ASIC2: variants seen among roughly 807,000 people sequenced by gnomAD.
ASIC2 encodes the protein acid-sensing ion channel 2.
Under a neutral mutation model 57.3 loss-of-function variants are expected in ASIC2, and 25 were observed. The observed-to-expected ratio is 0.44, with a 90% CI of 0.32 to 0.61. ASIC2 has a LOEUF of 0.61. ASIC2 is among the 20% of genes least tolerant of loss of function. ASIC2 has a pLI of 0.06. For synonymous variants in ASIC2, 319 were observed against 307.5 expected (o/e 1.04, Z -0.39); for missense variants, 641 against 738.1 (o/e 0.87, Z 1.52).
chr17:33,392,196 C>CCCTCCTTCCT (rs1567846190), intron 1 of ASIC2, among the ~76,000 whole-genome samples: 3 of 37,832 alleles, frequency 7.9e-5, no homozygotes, highest in Admixed American at 5.4e-4. Flanking sequence ...CCTTCCTTCC[C>CCCTCCTTCCT]TCCTTCCTTC....
chr17:33,918,080 C>T (rs555993893), intron 1 of ASIC2, among the ~76,000 whole-genome samples: 7 of 152,282 alleles, frequency 4.6e-5, no homozygotes, highest in Middle Eastern at 3.4e-3. Flanking sequence ...TAAGGATGGA[C>T]GACATCCTTT....
At chr17:33,652,734 G>A (rs1906957681) in intron 1 of ASIC2, among the ~76,000 whole-genome samples, 1 of 152,234 alleles carries the variant, frequency 6.6e-6, no homozygotes, top group Non-Finnish European at 1.5e-5. Flanking sequence ...CGTTCTTCCT[G>A]TCTCAGGGAA....
At chr17:33,864,155 G>A (rs750382642) in intron 1 of ASIC2, among the ~76,000 whole-genome samples, 3 of 152,026 alleles carry the variant, frequency 2.0e-5, no homozygotes, top group Non-Finnish European at 2.9e-5. Context: ...TGCTCCCTTC[G>A]GCCCCCCACC....
In ASIC2 at chr17:33,951,955, G is replaced by A. The variant is rs1002393502; in HGVS notation, c.555+204023C>T. Among the ~76,000 whole-genome samples the A allele has an allele frequency of 2.6e-5, 4 of 152,214 alleles. No individual in the cohort carries two copies. The East Asian group carries it at 5.8e-4, about 22-fold the overall frequency. ...TCAATATCACCCTTGATACATTTCA[G>A]AGGAGGGGAGCACTGGTTACACACG... On this transcript the variant is annotated intron_variant, in intron 1 of 9. Transcript: ENST00000359872.
At chr17:34,032,161 C>T (rs1907643461) in intron 1 of ASIC2, among the ~76,000 whole-genome samples, 1 of 152,204 alleles carries the variant, frequency 6.6e-6, no homozygotes, top group East Asian at 1.9e-4. Context: ...AACAGCTGAT[C>T]TCTTGGCAGA....
At chr17:33,836,636 C>A (rs890489225) in intron 1 of ASIC2, among the ~76,000 whole-genome samples, 2 of 152,038 alleles carry the variant, frequency 1.3e-5, no homozygotes, top group East Asian at 3.9e-4. Context: ...AGGTGGATCA[C>A]AAGATCAGGA....
chr17:34,023,864 T>A (rs1567791596), intron 1 of ASIC2, among the ~76,000 whole-genome samples: 1 of 152,168 alleles, frequency 6.6e-6, no homozygotes, highest in Non-Finnish European at 1.5e-5. Flanking sequence ...CTTTACTGGG[T>A]AAATGTGGGC....
chr17:33,248,651 T>C (rs1908774414), intron 1 of ASIC2, among the ~76,000 whole-genome samples: 1 of 152,180 alleles, frequency 6.6e-6, no homozygotes, highest in Non-Finnish European at 1.5e-5. Flanking sequence ...GGAGAATCTG[T>C]TCCTTGCCTC....
chr17:33,535,260 TA>T (rs1385648242), intron 1 of ASIC2, among the ~76,000 whole-genome samples: 7 of 151,194 alleles, frequency 4.6e-5, no homozygotes, highest in Non-Finnish European at 3.0e-5. Flanking sequence ...ATGGTGGGAA[TA>T]AAAATGTCGC....
intron 6 of ASIC2, among the ~76,000 whole-genome samples, chr17:33,022,702 C>A (rs987904144): frequency 2.0e-5 from 3 of 152,326 alleles, no homozygotes; most frequent in Non-Finnish European, 2.9e-5. Context: ...CAACTCTGTG[C>A]CATATGCTCC....
At chr17:33,673,103 G>A (rs1160308338) in intron 1 of ASIC2, among the ~76,000 whole-genome samples, 2 of 152,322 alleles carry the variant, frequency 1.3e-5, no homozygotes, top group Non-Finnish European at 1.5e-5. Flanking sequence ...ACCTCATAGA[G>A]GCGGCAGCAT....
chr17:33,957,882 T>C (rs1904787370), intron 1 of ASIC2, among the ~76,000 whole-genome samples: 1 of 152,230 alleles, frequency 6.6e-6, no homozygotes, highest in South Asian at 2.1e-4. Context: ...AAGTCCCTTC[T>C]GCCTATGAGC....
intron 1 of ASIC2, among the ~76,000 whole-genome samples, chr17:33,946,884 CAGG>C (rs1199200311): frequency 1.3e-5 from 2 of 152,110 alleles, no homozygotes; most frequent in Non-Finnish European, 2.9e-5. Context: ...CAGAAGGATG[CAGG>C]AGGATGTTAG....
At chr17:33,362,912 T>C (rs536516226) in intron 1 of ASIC2, among the ~76,000 whole-genome samples, 18 of 152,362 alleles carry the variant, frequency 1.2e-4, no homozygotes, top group African/African-American at 4.3e-4. Flanking sequence ...AGCTTTGGAA[T>C]TGCCCATCTT....
chr17:33,106,067 G>A (rs1398641425), intron 2 of ASIC2, among the ~76,000 whole-genome samples: 1 of 152,150 alleles, frequency 6.6e-6, no homozygotes, highest in Non-Finnish European at 1.5e-5. Context: ...GATGCAGGGA[G>A]GCAGTGAGTC....
At chr17:33,863,293 C>T (rs1914142967) in intron 1 of ASIC2, among the ~76,000 whole-genome samples, 1 of 152,232 alleles carries the variant, frequency 6.6e-6, no homozygotes, top group Non-Finnish European at 1.5e-5. Flanking sequence ...ATGAGTAGCT[C>T]AGCCGCAGTT....
chr17:33,732,726 C>T (rs1168137852), intron 1 of ASIC2, among the ~76,000 whole-genome samples: 1 of 152,056 alleles, frequency 6.6e-6, no homozygotes, highest in East Asian at 1.9e-4. Flanking sequence ...CAACCTCTGC[C>T]TCCTGGGTTC....
At chr17:33,312,448 C>G (rs550885830) in intron 1 of ASIC2, among the ~76,000 whole-genome samples, 49 of 152,254 alleles carry the variant, frequency 3.2e-4, no homozygotes, top group East Asian at 1.7e-3. Flanking sequence ...GAGAAAGCAT[C>G]GTGGAACCCA....
chr17:33,814,824 C>T (rs1054311222), intron 1 of ASIC2, among the ~76,000 whole-genome samples: 16 of 152,238 alleles, frequency 1.1e-4, no homozygotes, highest in East Asian at 5.8e-4. Context: ...CATTATGCAA[C>T]GGGAGTCTGT....
Sources: allele counts gnomAD v4.1 joint callset (sites outside exome capture counted in the v4.1 genomes callset), GRCh38; gene constraint gnomAD v4.1.1; transcripts MANE v1.5; gene names NCBI Gene and HGNC (gene_info 2026-07-23, HGNC 2026-07-21).